The following EXT1 variants were observed in gnomAD, a reference collection of about 807,000 sequenced individuals.
EXT1 encodes the protein exostosin-1.
In EXT1, 20 loss-of-function variants were observed where a neutral mutation model predicts 82.5. The observed-to-expected ratio is 0.24, with a 90% confidence interval of 0.17 to 0.35. The LOEUF (loss-of-function observed/expected upper bound fraction) is 0.35, where lower values mean the gene tolerates loss of function less well. Among genes scored for constraint, EXT1 ranks in the 10% least tolerant of loss-of-function variants. The pLI is 1.00. For missense variants in EXT1, 757 were observed against 936.5 expected (o/e 0.81, Z 2.50); for synonymous variants, 348 against 350.8 (o/e 0.99, Z 0.09).
chr8:117,881,353 C>A (rs1216740250), intron 1 of EXT1, among the ~76,000 whole-genome samples: 1 of 152,138 alleles, frequency 6.6e-6, no homozygotes, highest in African/African-American at 2.4e-5. Context: ...ATTACAGTAT[C>A]CACAGCTCCT....
At chr8:117,803,615 G>A (rs1341370844) in intron 10 of EXT1, among the ~76,000 whole-genome samples, 2 of 152,172 alleles carry the variant, frequency 1.3e-5, no homozygotes, top group Admixed American at 6.5e-5. Context: ...AGGACAAGCA[G>A]TGAAGTCCAC....
chr8:117,972,050 T>C (rs1814952117), intron 1 of EXT1, among the ~76,000 whole-genome samples: 1 of 149,622 alleles, frequency 6.7e-6, no homozygotes, highest in Non-Finnish European at 1.5e-5. Flanking sequence ...CTCAGGAGGC[T>C]AAGGCAAGAG....
intron 1 of EXT1, among the ~76,000 whole-genome samples, chr8:118,061,378 G>GT (rs1264740021): frequency 6.6e-6 from 1 of 152,176 alleles, no homozygotes; most frequent in African/African-American, 2.4e-5. Flanking sequence ...AAGTTGAGAG[G>GT]TTGTATGTGT....
At chr8:117,978,206 T>C (rs1815108956) in intron 1 of EXT1, among the ~76,000 whole-genome samples, 1 of 152,228 alleles carries the variant, frequency 6.6e-6, no homozygotes, top group Non-Finnish European at 1.5e-5. Flanking sequence ...AGAATTAGTA[T>C]ACAGCAATAA....
intron 1 of EXT1, among the ~76,000 whole-genome samples, chr8:118,081,411 T>C (rs1477155837): frequency 1.3e-5 from 2 of 152,258 alleles, no homozygotes; most frequent in African/African-American, 4.8e-5. Context: ...AGATATACTA[T>C]GCATAGATAA....
intron 1 of EXT1, among the ~76,000 whole-genome samples, chr8:117,986,340 C>T (rs1281768130): frequency 6.6e-6 from 1 of 152,084 alleles, no homozygotes; most frequent in Non-Finnish European, 1.5e-5. Flanking sequence ...CAGGCATGCA[C>T]CACCACGCCT....
At chr8:117,893,749 A>G (rs1813288379) in intron 1 of EXT1, among the ~76,000 whole-genome samples, 1 of 152,232 alleles carries the variant, frequency 6.6e-6, no homozygotes, top group African/African-American at 2.4e-5. Flanking sequence ...GACAGTGACC[A>G]GTAACAAGAC....
At chr8:117,949,420 T>A (rs1421643956) in intron 1 of EXT1, among the ~76,000 whole-genome samples, 1 of 151,394 alleles carries the variant, frequency 6.6e-6, no homozygotes, top group African/African-American at 2.4e-5. Flanking sequence ...GACATATTTA[T>A]AATCCACAGG....
intron 1 of EXT1, among the ~76,000 whole-genome samples, chr8:118,102,694 T>C (rs1046223807): frequency 2.0e-5 from 3 of 152,224 alleles, no homozygotes; most frequent in African/African-American, 7.2e-5. Context: ...TATAGGTATA[T>C]ATATGTGCTA....
chr8:117,982,756 T>G (rs1815235667), intron 1 of EXT1, among the ~76,000 whole-genome samples: 1 of 152,144 alleles, frequency 6.6e-6, no homozygotes. Flanking sequence ...CCTCCCAAAG[T>G]GCTGGGATTA....
intron 1 of EXT1, among the ~76,000 whole-genome samples, chr8:117,851,612 G>T (rs1681255564): frequency 1.6e-5 from 1 of 61,520 alleles, no homozygotes; most frequent in African/African-American, 5.0e-5. Context: ...GTGCAATTTA[G>T]CTGGACACAC....
At chr8:118,048,560 G>A (rs1664046141) in intron 1 of EXT1, among the ~76,000 whole-genome samples, 1 of 152,032 alleles carries the variant, frequency 6.6e-6, no homozygotes, top group Non-Finnish European at 1.5e-5. Flanking sequence ...AGAAATAACA[G>A]ACCCATCAGA....
At chr8:118,031,805 G>A (rs140625863) in intron 1 of EXT1, among the ~76,000 whole-genome samples, 143 of 151,942 alleles carry the variant, frequency 9.4e-4, no homozygotes, top group African/African-American at 3.1e-3. Context: ...GACCTTTAAC[G>A]CCTCCTTATG....
At chr8:117,842,489 T>C (rs1285850869) in intron 1 of EXT1, among the ~76,000 whole-genome samples, 1 of 152,196 alleles carries the variant, frequency 6.6e-6, no homozygotes, top group Non-Finnish European at 1.5e-5. Flanking sequence ...CAGCAAATCA[T>C]TCAACTTCTC....
At position 117,882,979 on chromosome 8, in the gene EXT1, A is replaced by AG. The variant is rs1361960019; in HGVS notation, c.963-45779dup. Among the ~76,000 whole-genome samples the AG allele has an allele frequency of 5.4e-5, 8 of 149,288 alleles. No homozygotes were observed. The East Asian group carries it at 9.8e-4, about 18-fold the overall frequency. The stretch of plus-strand genomic sequence containing the variant: ...GCGACAAAATGAGACTCTGTCTCAA[A>AG]GAAAAAAAAAAAAAAAAGAAAGAAA... On this transcript the variant is annotated intron_variant, in intron 1 of 10. Transcript: ENST00000378204.
chr8:117,837,815 C>T (rs1246617491), intron 1 of EXT1, among the ~76,000 whole-genome samples: 1 of 149,818 alleles, frequency 6.7e-6, no homozygotes, highest in Non-Finnish European at 1.5e-5. Flanking sequence ...GAGAAGGATG[C>T]TAGCCTAAGA....
chr8:117,970,304 A>ATTTT (rs35409811), intron 1 of EXT1, among the ~76,000 whole-genome samples: 7 of 136,576 alleles, frequency 5.1e-5, no homozygotes, highest in African/African-American at 1.9e-4. Flanking sequence ...AGGAATCTAC[A>ATTTT]TTTTTTTTTT....
At chr8:118,074,369 G>A (rs1010302149) in intron 1 of EXT1, among the ~76,000 whole-genome samples, 1 of 152,176 alleles carries the variant, frequency 6.6e-6, no homozygotes, top group Non-Finnish European at 1.5e-5. Flanking sequence ...GAATGCATCC[G>A]AGGGAGCTCC....
chr8:118,110,011 C>G, intron 1 of EXT1, 74 bp downstream of exon 1: 1 of 1,610,766 alleles, frequency 6.2e-7, no homozygotes. Context: ...ACCCCATCCC[C>G]CAACTTCACA....
Sources: allele counts gnomAD v4.1 joint callset (sites outside exome capture counted in the v4.1 genomes callset), GRCh38; gene constraint gnomAD v4.1.1; transcripts MANE v1.5; gene names NCBI Gene and HGNC (gene_info 2026-07-23, HGNC 2026-07-21).